Variants in BCAS3 observed in about 807,000 individuals in gnomAD.
BCAS3 encodes the protein BCAS4/BCAS3 fusion.
In BCAS3, 53 loss-of-function variants were observed where a neutral mutation model predicts 116.1. The observed-to-expected ratio is 0.46, with a 90% CI of 0.37 to 0.57. The LOEUF is 0.57. Among genes scored for constraint, BCAS3 ranks in the 20% least tolerant of loss-of-function variants. BCAS3 has a pLI of 0.00. For synonymous variants in BCAS3, 391 were observed against 408.2 expected, an observed-to-expected ratio of 0.96 and a Z score of 0.51; for missense variants, 917 against 1,165.4, an observed-to-expected ratio of 0.79 and a Z score of 3.10.
At chr17:60,820,779 G>A (rs1313937477) in intron 7 of BCAS3, among the ~76,000 whole-genome samples, 1 of 152,120 alleles carries the variant, frequency 6.6e-6, no homozygotes, top group African/African-American at 2.4e-5. Flanking sequence ...AGACCAGGGA[G>A]TAACACTCTT....
intron 22 of BCAS3, among the ~76,000 whole-genome samples, chr17:61,271,233 T>C (rs1487795724): frequency 1.3e-5 from 2 of 149,714 alleles, no homozygotes; most frequent in Non-Finnish European, 3.0e-5. Context: ...GTTCAAGTGA[T>C]TCTCCTGCCT....
chr17:60,944,484 C>T (rs193142418), intron 13 of BCAS3, among the ~76,000 whole-genome samples: 79 of 151,498 alleles, frequency 5.2e-4, no homozygotes, highest in African/African-American at 1.8e-3. Flanking sequence ...TTTTTTTTCC[C>T]CAGAAATTAA....
rs747201518 is a variant in BCAS3 at position 61,032,324 on chromosome 17, A to G, written c.1638-2342A>G. On this transcript the variant is annotated intron_variant, in intron 16 of 23. Transcript: ENST00000407086. This position sits in a 1 kb window ranked among gnomAD's most constrained non-coding sequence, Gnocchi z 4.6. ...TACATTGTAGTAGCTTTGTTCTCTG[A>G]TGGTGATTCTAGTAAAAGCACATAG... 4.0e-4 allele frequency among the ~76,000 whole-genome samples: 61 copies of G among 152,240 alleles called. No homozygotes were observed. The highest frequency in any genetic ancestry group is 6.8e-3 in the Middle Eastern group (2 of 294).
chr17:60,815,930 A>G (rs1439114055), intron 7 of BCAS3, among the ~76,000 whole-genome samples: 18 of 152,142 alleles, frequency 1.2e-4, no homozygotes, highest in Admixed American at 1.2e-3. Flanking sequence ...TGCCTAAGTG[A>G]ATTTTAGGAA....
At chr17:60,838,509 T>C (rs1253910639) in intron 7 of BCAS3, among the ~76,000 whole-genome samples, 1 of 150,814 alleles carries the variant, frequency 6.6e-6, no homozygotes, top group Non-Finnish European at 1.5e-5. Context: ...CCGAGAAAGA[T>C]AGTGAAAAGC....
intron 22 of BCAS3, among the ~76,000 whole-genome samples, chr17:61,125,206 C>T (rs2143831885): frequency 6.6e-6 from 1 of 152,178 alleles, no homozygotes; most frequent in South Asian, 2.1e-4. Flanking sequence ...TAATTAAATA[C>T]TTCATACTGG....
intron 19 of BCAS3, among the ~76,000 whole-genome samples, chr17:61,060,114 AT>A (rs11371251): frequency 4.0e-5 from 6 of 151,504 alleles, no homozygotes; most frequent in South Asian, 2.1e-4. Flanking sequence ...ACCTAAATAT[AT>A]TTTTTTTATT....
chr17:61,073,229 T>C lies in BCAS3; in HGVS notation c.2030-1691T>C, dbSNP rs572542805. ...TGTGATCATTTGTGTTTTGTACAAA[T>C]GCCACCATGCCGCTTGGCTGTAGAA... is the stretch of plus-strand genomic sequence containing the variant. On this transcript the variant is annotated intron_variant, in intron 19 of 23. Transcript: ENST00000407086. This position sits in a 1 kb window ranked among gnomAD's most constrained non-coding sequence, Gnocchi z 4.6. Among the ~76,000 whole-genome samples, 14 of 152,226 alleles carry C rather than the reference T, an allele frequency of 9.2e-5. No individual in the cohort carries two copies. Among genetic ancestry groups the C allele is most frequent in the Non-Finnish European group, 2.1e-4 (14 of 68,028 alleles).
At position 61,021,430 on chromosome 17, in the gene BCAS3, G is replaced by A. The variant is rs886982703; in HGVS notation, c.1637+5529G>A. On this transcript the variant is annotated intron_variant, in intron 16 of 23. Coordinates refer to ENST00000407086, the MANE Select transcript of BCAS3 (RefSeq NM_017679.5). This position sits in a 1 kb window ranked among gnomAD's most constrained non-coding sequence, Gnocchi z 4.6. ...CTTCAGATGCACCCTGTAGAAGTAG[G>A]TTAAGTAATGTAGTGGAAAAAATAT... is the stretch of plus-strand genomic sequence containing the variant. 2.0e-5 allele frequency among the ~76,000 whole-genome samples: 3 copies of A among 152,096 alleles called. No homozygotes were observed. Among genetic ancestry groups the A allele is most frequent in the South Asian group, 2.1e-4 (1 of 4,826 alleles).
chr17:60,950,924 G>C (rs1022815765), intron 14 of BCAS3, among the ~76,000 whole-genome samples: 1 of 152,206 alleles, frequency 6.6e-6, no homozygotes, highest in Non-Finnish European at 1.5e-5. Context: ...TTTCCCAGCT[G>C]TTGTGTTTTA....
chr17:61,357,594 C>T (rs1032801090), intron 22 of BCAS3, among the ~76,000 whole-genome samples: 2 of 149,378 alleles, frequency 1.3e-5, no homozygotes, highest in African/African-American at 4.9e-5. Context: ...TAGGCGCCTG[C>T]CACCACACCC....
At position 61,249,000 on chromosome 17, in the gene BCAS3, A is replaced by G. The variant is rs1391072189; in HGVS notation, c.2426-119327A>G. On this transcript the variant is annotated intron_variant, in intron 22 of 23. Coordinates refer to ENST00000407086, the MANE Select transcript of BCAS3 (RefSeq NM_017679.5). The surrounding 1 kb of genome is among the most constrained non-coding windows in gnomAD (Gnocchi z 4.3). ...CAAAAATTTGTTTTTAAAATAAGAA[A>G]CTTGGCTGGGCTTGGTGGCTCACGC... Among the ~76,000 whole-genome samples, 2 of 152,124 alleles carry G rather than the reference A, an allele frequency of 1.3e-5. No individual in the cohort carries two copies. Among genetic ancestry groups the G allele is most frequent in the Non-Finnish European group, 2.9e-5 (2 of 68,026 alleles).
intron 22 of BCAS3, among the ~76,000 whole-genome samples, chr17:61,246,256 A>G (rs555595915): frequency 3.3e-5 from 5 of 152,074 alleles, no homozygotes; most frequent in African/African-American, 1.2e-4. Flanking sequence ...TGAGGCAGGC[A>G]GATGGCTTGA....
rs1479418200 is a variant in BCAS3 at position 61,095,760 on chromosome 17, C to A, written c.2425+11196C>A. On this transcript the variant is annotated intron_variant, in intron 22 of 23. Coordinates refer to ENST00000407086, the MANE Select transcript of BCAS3 (RefSeq NM_017679.5). The surrounding 1 kb of genome is among the most constrained non-coding windows in gnomAD (Gnocchi z 4.7). ...GGGATTACAGGTATTAGCCACCGCA[C>A]CTGACTGGGGTCCTGAGTTTTTTTA... 1.3e-5 allele frequency among the ~76,000 whole-genome samples: 2 copies of A among 151,906 alleles called. No individual in the cohort carries two copies. Among genetic ancestry groups the A allele is most frequent in the Non-Finnish European group, 2.9e-5 (2 of 67,982 alleles).
At chr17:61,177,853 A>AGGG (rs1180975551) in intron 22 of BCAS3, among the ~76,000 whole-genome samples, 1 of 152,190 alleles carries the variant, frequency 6.6e-6, no homozygotes, top group Non-Finnish European at 1.5e-5. Context: ...TATCTGTTGC[A>AGGG]CCTGACTTGT....
intron 22 of BCAS3, among the ~76,000 whole-genome samples, chr17:61,231,419 A>G (rs574780460): frequency 1.3e-5 from 2 of 152,186 alleles, no homozygotes; most frequent in Non-Finnish European, 2.9e-5. Flanking sequence ...TTATTGCTTT[A>G]TCTCCATTTT....
chr17:60,933,727 C>T (rs1033960222), intron 13 of BCAS3, among the ~76,000 whole-genome samples: 4 of 152,238 alleles, frequency 2.6e-5, no homozygotes, highest in Non-Finnish European at 1.5e-5. Context: ...ATCTATAATG[C>T]ATCACAGATC....
At chr17:61,374,248 GCAACCTCTGCCTCCAGGGTT>G (rs1000459807) in intron 23 of BCAS3, among the ~76,000 whole-genome samples, 3 of 148,436 alleles carry the variant, frequency 2.0e-5, no homozygotes, top group African/African-American at 5.0e-5. Flanking sequence ...TCGGCTCACT[GCAACCTCTGCCTCCAGGGTT>G]CAAGCAATTC....
intron 14 of BCAS3, among the ~76,000 whole-genome samples, chr17:60,987,856 A>T (rs2063248725): frequency 6.6e-6 from 1 of 152,088 alleles, no homozygotes; most frequent in East Asian, 1.9e-4. Flanking sequence ...GACTTCCGGT[A>T]CTTTGTTGAA....
Sources: allele counts gnomAD v4.1 joint callset (sites outside exome capture counted in the v4.1 genomes callset), GRCh38; gene constraint gnomAD v4.1.1; non-coding constraint Gnocchi (gnomAD v3.1); transcripts MANE v1.5; gene names NCBI Gene and HGNC (gene_info 2026-07-23, HGNC 2026-07-21).